GRM3: variants seen among roughly 807,000 people sequenced by gnomAD.
GRM3 encodes metabotropic glutamate receptor 3.
A neutral mutation model predicts 70.5 loss-of-function variants in GRM3; 26 were observed. That is an observed-to-expected ratio of 0.37 (90% CI 0.27 to 0.51). The LOEUF is 0.51. GRM3 is among the 20% of genes least tolerant of loss of function. The pLI is 0.93. For synonymous variants in GRM3, 443 were observed against 434.9 expected (o/e 1.02, Z -0.23); for missense variants, 859 against 1,123.8 (o/e 0.76, Z 3.37).
At chr7:86,726,971 G>A (rs1795607480) in intron 1 of GRM3, among the ~76,000 whole-genome samples, 1 of 152,100 alleles carries the variant, frequency 6.6e-6, no homozygotes, top group African/African-American at 2.4e-5. Context: ...GACCCAAGTG[G>A]GAATCAAATA....
chr7:86,704,156 A>T (rs1023372601), intron 1 of GRM3, among the ~76,000 whole-genome samples: 2 of 151,932 alleles, frequency 1.3e-5, no homozygotes, highest in African/African-American at 4.8e-5. Flanking sequence ...ATATTTTCAT[A>T]TTATGTATTA....
intron 3 of GRM3, among the ~76,000 whole-genome samples, chr7:86,807,908 AG>A (rs1797829199): frequency 6.6e-6 from 1 of 152,132 alleles, no homozygotes; most frequent in Non-Finnish European, 1.5e-5. Context: ...TATTATTTTG[AG>A]ATAAGTCCCA....
intron 2 of GRM3, among the ~76,000 whole-genome samples, chr7:86,768,905 G>A (rs1796670950): frequency 6.6e-6 from 1 of 152,074 alleles, no homozygotes; most frequent in Non-Finnish European, 1.5e-5. Context: ...ATTCAGCTAG[G>A]CATCACAAAT....
intron 2 of GRM3, among the ~76,000 whole-genome samples, chr7:86,782,208 C>T (rs1797086427): frequency 7.4e-6 from 1 of 135,094 alleles, no homozygotes. Flanking sequence ...CCCTTTCACC[C>T]TGTGGGAGTC....
chr7:86,654,982 T>C (rs770662878), intron 1 of GRM3, among the ~76,000 whole-genome samples: 14 of 152,200 alleles, frequency 9.2e-5, no homozygotes, highest in Non-Finnish European at 1.9e-4. Context: ...AAAGGAAGTA[T>C]TGCCACCAGA....
chr7:86,782,698 T>C (rs2116516156), intron 2 of GRM3, among the ~76,000 whole-genome samples: 1 of 152,342 alleles, frequency 6.6e-6, no homozygotes, highest in East Asian at 1.9e-4. Flanking sequence ...TGTTGCTGGT[T>C]CTTCTAACAC....
At chr7:86,714,528 A>G (rs1408730334) in intron 1 of GRM3, among the ~76,000 whole-genome samples, 1 of 152,024 alleles carries the variant, frequency 6.6e-6, no homozygotes, top group Non-Finnish European at 1.5e-5. Flanking sequence ...TGGAGCCAGG[A>G]CTTAAACCCA....
chr7:86,787,153 A>C, intron 3 of GRM3, 37 bp downstream of exon 3: 1 of 1,524,228 alleles, frequency 6.6e-7, no homozygotes, highest in Non-Finnish European at 8.9e-7. Flanking sequence ...CTCAGATGCA[A>C]ACAAGTGAAA....
In GRM3 at chr7:86,787,086, A is replaced by G; in HGVS notation, c.1294A>G (p.Lys432Glu). ...MKILDGKKLY[K>E]DYLLKINFTA... ...GATCCTGGATGGGAAGAAGTTGTACAAGGATTACTTGCTGAAAATCAACTT... is the reference window on the plus strand; with the variant it reads ...GATCCTGGATGGGAAGAAGTTGTACGAGGATTACTTGCTGAAAATCAACTT... Residue 432 changes from lysine (K) to glutamate (E), a missense_variant, in exon 3 of 6, where the codon AAG becomes GAG. Transcript: ENST00000361669. The G allele has an allele frequency of 6.2e-7, 1 of 1,606,628 alleles. No homozygotes were observed. The highest frequency in any genetic ancestry group is 8.5e-7 in the Non-Finnish European group (1 of 1,174,764).
Position 86,756,745 on chromosome 7 carries a change from T to C in GRM3, c.-140-8261T>C, listed in dbSNP as rs140989576. On this transcript the variant is annotated intron_variant, in intron 1 of 5. Transcript: ENST00000361669. ...CTCCTTGGTTTTGTAATCTTATGTT[T>C]ATCATCAAATTTGGGGAATTTTTTG... 3.2e-3 allele frequency among the ~76,000 whole-genome samples: 494 copies of C among 152,264 alleles called. 4 individuals are homozygous for C. The highest frequency in any genetic ancestry group is 0.011 in the African/African-American group (463 of 41,558).
chr7:86,836,061 T>A (rs182650802), intron 3 of GRM3, among the ~76,000 whole-genome samples: 22 of 152,228 alleles, frequency 1.4e-4, no homozygotes, highest in Non-Finnish European at 1.2e-4. Context: ...TAAATACAGA[T>A]TAAAATAAGA....
chr7:86,803,238 CA>C (rs1797720648), intron 3 of GRM3, among the ~76,000 whole-genome samples: 2 of 152,144 alleles, frequency 1.3e-5, no homozygotes, highest in South Asian at 4.1e-4. Context: ...GATATACAAA[CA>C]AAATATATCT....
At chr7:86,677,704 C>T (rs1335786053) in intron 1 of GRM3, among the ~76,000 whole-genome samples, 1 of 151,872 alleles carries the variant, frequency 6.6e-6, no homozygotes, top group South Asian at 2.1e-4. Context: ...AATATGCCCA[C>T]CTAGCCAAAT....
Position 86,644,268 on chromosome 7 carries a change from A to T in GRM3, c.-745A>T, listed in dbSNP as rs2073549. The T allele has an allele frequency of 0.02, 3,804 of 192,446 alleles. 64 individuals carry two copies. The highest frequency in any genetic ancestry group is 0.032 in the Non-Finnish European group (2,963 of 92,666). 11.9% of individuals were successfully genotyped at this position (192,446 alleles called of 1,614,324 possible). On this transcript the variant is annotated 5_prime_UTR_variant, in exon 1 of 6. Coordinates refer to ENST00000361669, the MANE Select transcript of GRM3 (RefSeq NM_000840.3). ...TCCTCTCGTCTAGGTACCCTGGCTC[A>T]CTGAAGACTCTGCAGATATACCCTT...
At chr7:86,774,273 C>T (rs554172697) in intron 2 of GRM3, among the ~76,000 whole-genome samples, 10 of 152,204 alleles carry the variant, frequency 6.6e-5, no homozygotes, top group African/African-American at 2.4e-4. Flanking sequence ...AGAGGTGCTT[C>T]TACTGATCTA....
chr7:86,755,355 A>C (rs1470341257), intron 1 of GRM3, among the ~76,000 whole-genome samples: 1 of 152,182 alleles, frequency 6.6e-6, no homozygotes, highest in Non-Finnish European at 1.5e-5. Context: ...AAGGCTTAAC[A>C]ACTAGTATCA....
In GRM3 at chr7:86,860,451, G is replaced by A. The variant is rs115350043; in HGVS notation, c.2567-3831G>A. Among the ~76,000 whole-genome samples, 644 of 152,288 alleles carry A rather than the reference G, an allele frequency of 4.2e-3. 4 individuals carry two copies. The highest frequency in any genetic ancestry group is 0.013 in the African/African-American group (551 of 41,564). On this transcript the variant is annotated intron_variant, in intron 5 of 5. Coordinates refer to ENST00000361669, the MANE Select transcript of GRM3 (RefSeq NM_000840.3). ...ATAAAATGCACCAGCAGAAGCTACCGATGAAATAATAAAAGAGAAGCAGAA... is the reference window on the plus strand; with the variant it reads ...ATAAAATGCACCAGCAGAAGCTACCAATGAAATAATAAAAGAGAAGCAGAA...
intron 1 of GRM3, among the ~76,000 whole-genome samples, chr7:86,659,028 A>G (rs371531464): frequency 6.6e-6 from 1 of 152,178 alleles, no homozygotes; most frequent in East Asian, 1.9e-4. Context: ...AAACATAACC[A>G]TAAAAACGGA....
chr7:86,703,171 T>G (rs780068632), intron 1 of GRM3, among the ~76,000 whole-genome samples: 1 of 151,930 alleles, frequency 6.6e-6, no homozygotes, highest in African/African-American at 2.4e-5. Context: ...AAGTCAATGT[T>G]TTTCATTTAA....
Sources: gnomAD v4.1 joint callset for allele counts (sites outside exome capture counted in the v4.1 genomes callset) on GRCh38, gnomAD v4.1.1 for gene constraint, MANE v1.5 for transcripts, NCBI Gene and HGNC (gene_info 2026-07-23, HGNC 2026-07-21) for gene names.